The following GANC variants were observed in gnomAD, a reference collection of about 807,000 sequenced individuals.
GANC encodes the protein glucosidase alpha, neutral C.
GANC carries 117 observed loss-of-function variants against 124.2 expected under a neutral mutation model. The observed-to-expected ratio is 0.94, with a 90% CI of 0.81 to 1.10. The LOEUF (loss-of-function observed/expected upper bound fraction) is 1.10. GANC is among the 50% of genes least tolerant of loss of function. The pLI is 0.00. For synonymous variants in GANC, 377 were observed against 376.8 expected (o/e 1.00, Z -0.01); for missense variants, 1,140 against 1,095.0 (o/e 1.04, Z -0.58).
chr15:42,280,048 A>G (rs1020750957), intron 3 of GANC, among the ~76,000 whole-genome samples: 6 of 152,226 alleles, frequency 3.9e-5, no homozygotes, highest in African/African-American at 1.4e-4. Flanking sequence ...TTTCTTGCCC[A>G]AATTCAAAAT....
Position 42,352,343 on chromosome 15 carries a change from C to G in GANC, c.*204C>G. ...CATGTTAAGATGTACTAACAATATT[C>G]CTTGTATCAAACATCTCCTTTTCTC... On this transcript the variant is annotated 3_prime_UTR_variant, in exon 24 of 24. Coordinates refer to ENST00000318010, the MANE Select transcript of GANC (RefSeq NM_198141.3). 1 of 1,373,888 alleles carries G rather than the reference C, an allele frequency of 7.3e-7. No homozygotes were observed. The highest frequency in any genetic ancestry group is 9.4e-7 in the Non-Finnish European group (1 of 1,062,842). The allele number at this position is 1,373,888 out of a possible 1,614,324, so 85.1% of individuals were successfully genotyped here. A position where few individuals can be genotyped will look rare whatever the true frequency, so the allele number is the denominator to read the frequency against.
chr15:42,287,832 C>T lies in GANC; in HGVS notation c.329+14C>T, dbSNP rs771846872. ...AAGCACTGTAAGGTAAGCCAAGGAGCGAGGTATTTTAGAGACACGCTTGAT... is the reference window on the plus strand; with the variant it reads ...AAGCACTGTAAGGTAAGCCAAGGAGTGAGGTATTTTAGAGACACGCTTGAT... On this transcript the variant is annotated intron_variant, in intron 4 of 23. Coordinates refer to ENST00000318010, the MANE Select transcript of GANC (RefSeq NM_198141.3). 2.6e-5 allele frequency: 41 copies of T among 1,600,188 alleles called. No homozygotes were observed. Among genetic ancestry groups the T allele is most frequent in the Non-Finnish European group, 3.2e-5 (38 of 1,176,094 alleles).
intron 17 of GANC, among the ~76,000 whole-genome samples, chr15:42,340,471 G>A (rs953860231): frequency 7.9e-5 from 12 of 151,938 alleles, no homozygotes; most frequent in African/African-American, 2.9e-4. Flanking sequence ...GGGCGTGGTG[G>A]TGTGTGCCTG....
chr15:42,301,466 T>TC (rs1039712266), intron 6 of GANC, among the ~76,000 whole-genome samples: 10 of 151,776 alleles, frequency 6.6e-5, no homozygotes, highest in African/African-American at 2.4e-4. Flanking sequence ...TTTTTTTTTT[T>TC]CATACCCCAG....
At chr15:42,313,714 G>A in intron 10 of GANC, 1 of 249,234 alleles carries the variant, frequency 4.0e-6, no homozygotes, top group South Asian at 5.1e-5. Context: ...CTCCTGGATA[G>A]AACTGTACTT....
At chr15:42,287,548 C>CT (rs559629393) in intron 3 of GANC, 143 bp from the exon 4 acceptor site, 3,070 of 681,204 alleles carry the variant, frequency 4.5e-3, no homozygotes, top group Non-Finnish European at 5.2e-3. Flanking sequence ...AACTGGGGAG[C>CT]TTTTTTTTTT....
At chr15:42,291,851 T>C in intron 4 of GANC, among the ~76,000 whole-genome samples, 1 of 152,186 alleles carries the variant, frequency 6.6e-6, no homozygotes, top group East Asian at 1.9e-4. Context: ...AAAAGAACTC[T>C]GTCTGGGTTC....
chr15:42,299,437 T>G (rs1322292294), intron 6 of GANC, among the ~76,000 whole-genome samples: 1 of 152,206 alleles, frequency 6.6e-6, no homozygotes, highest in Non-Finnish European at 1.5e-5. Flanking sequence ...GATAAATTTT[T>G]TGATGTGCTG....
intron 3 of GANC, among the ~76,000 whole-genome samples, chr15:42,287,178 C>G (rs1219998433): frequency 1.3e-5 from 2 of 152,202 alleles, no homozygotes; most frequent in Non-Finnish European, 1.5e-5. Context: ...TTTTAGTGCA[C>G]CAAGCCTCCT....
At chr15:42,350,726 G>A (rs992145676) in intron 22 of GANC, among the ~76,000 whole-genome samples, 17 of 150,448 alleles carry the variant, frequency 1.1e-4, no homozygotes, top group African/African-American at 4.2e-4. Context: ...CTAATTTTTT[G>A]TATTTTTTTA....
intron 19 of GANC, 79 bp from the exon 20 acceptor site, chr15:42,345,679 G>T: frequency 1.3e-6 from 1 of 764,786 alleles, no homozygotes; most frequent in Non-Finnish European, 2.2e-6. Context: ...ATCCAGGTAA[G>T]TGGATATTTT....
In GANC at chr15:42,278,506, G is replaced by C; in HGVS notation, c.117G>C (p.Lys39Asn). ...GGCGTCAGAAACAGTGGCTTTCCAA[G>C]AAGTCCACCTATCAGGCATTATTGG... is the stretch of plus-strand genomic sequence containing the variant. ...FYRRQKQWLS[K>N]KSTYQALLDS... The change falls in exon 3 of 24, where the codon AAG (lysine) becomes AAC (asparagine). Residue 39 changes from lysine (K) to asparagine (N), a missense_variant. Transcript: ENST00000318010. 3 of 1,610,898 alleles carry C rather than the reference G, an allele frequency of 1.9e-6. No individual in the cohort carries two copies. The highest frequency in any genetic ancestry group is 2.5e-6 in the Non-Finnish European group (3 of 1,178,564).
intron 4 of GANC, among the ~76,000 whole-genome samples, chr15:42,291,970 C>A (rs1226619076): frequency 1.3e-5 from 2 of 152,160 alleles, no homozygotes; most frequent in African/African-American, 4.8e-5. Flanking sequence ...GAAAAGACAT[C>A]ATAAGAACAT....
chr15:42,289,221 C>G (rs552275217), intron 4 of GANC, among the ~76,000 whole-genome samples: 1 of 152,252 alleles, frequency 6.6e-6, no homozygotes, highest in South Asian at 2.1e-4. Flanking sequence ...CTTAAAAAAA[C>G]CTTGATTTCA....
At chr15:42,289,985 C>T (rs1454466423) in intron 4 of GANC, among the ~76,000 whole-genome samples, 1 of 152,168 alleles carries the variant, frequency 6.6e-6, no homozygotes, top group Non-Finnish European at 1.5e-5. Context: ...GGAAATAGGC[C>T]TCACAAGAAA....
intron 6 of GANC, among the ~76,000 whole-genome samples, chr15:42,301,938 A>C (rs537245400): frequency 3.3e-4 from 51 of 152,294 alleles, no homozygotes; most frequent in African/African-American, 1.2e-3. Flanking sequence ...CAGCAGACTT[A>C]AACATTCGTG....
chr15:42,273,417 C>T lies in GANC; in HGVS notation c.-1065C>T. ...CCGCCATCTTCACAGCCGTGGAGTGCCTACCGAAAGCATTTCACCCTCTTC... is the reference window on the plus strand; with the variant it reads ...CCGCCATCTTCACAGCCGTGGAGTGTCTACCGAAAGCATTTCACCCTCTTC... On this transcript the variant is annotated 5_prime_UTR_variant, in exon 1 of 24. Transcript: ENST00000318010. 1 of 1,613,430 alleles carries T rather than the reference C, an allele frequency of 6.2e-7. No individual in the cohort carries two copies. Among genetic ancestry groups the T allele is most frequent in the Non-Finnish European group, 8.5e-7 (1 of 1,179,880 alleles).
intron 13 of GANC, 65 bp from the exon 14 acceptor site, chr15:42,329,241 A>T (rs905090414): frequency 6.8e-7 from 1 of 1,479,288 alleles, no homozygotes; most frequent in African/African-American, 1.4e-5. Context: ...TGAGGTAGCA[A>T]TGGTGACAGC....
intron 10 of GANC, among the ~76,000 whole-genome samples, chr15:42,318,041 TCAAGG>T (rs2052123891): frequency 6.6e-6 from 1 of 152,208 alleles, no homozygotes; most frequent in South Asian, 2.1e-4. Flanking sequence ...TTTCACATGC[TCAAGG>T]GTGTCTGTTA....
Sources: allele counts gnomAD v4.1 joint callset (sites outside exome capture counted in the v4.1 genomes callset), GRCh38; gene constraint gnomAD v4.1.1; transcripts MANE v1.5; gene names NCBI Gene and HGNC (gene_info 2026-07-23, HGNC 2026-07-21).